TFAP2C: variants seen among roughly 807,000 people sequenced by gnomAD.
The protein encoded by TFAP2C is activating enhancer-binding protein 2 gamma.
Under a neutral mutation model 42.9 loss-of-function variants are expected in TFAP2C, and 9 were observed. The ratio of observed to expected loss-of-function variants is 0.21; its 90% CI spans 0.13 to 0.37. The LOEUF is 0.37. Ranked by LOEUF, TFAP2C falls within the 10% of genes least tolerant of loss-of-function variation. The pLI is 1.00. For missense variants in TFAP2C, 462 were observed against 591.7 expected, an observed-to-expected ratio of 0.78 and a Z score of 2.27; for synonymous variants, 264 against 256.0, an observed-to-expected ratio of 1.03 and a Z score of -0.30.
rs1392396584 is a variant in TFAP2C at position 56,631,054 on chromosome 20, GC to G, written c.49-146del. 2 of 1,412,902 alleles carry G rather than the reference GC, an allele frequency of 1.4e-6. No homozygotes were observed. Among genetic ancestry groups the G allele is most frequent in the African/African-American group, 1.5e-5 (1 of 67,288 alleles). The allele number at this position is 1,412,902 out of a possible 1,614,324, so 87.5% of individuals were successfully genotyped here. On this transcript the variant is annotated intron_variant, in intron 1 of 6. Transcript: ENST00000201031. This position sits in a 1 kb window ranked among gnomAD's most constrained non-coding sequence, Gnocchi z 6.1. The stretch of plus-strand genomic sequence containing the variant: ...TACAACGAAATCCTCGGGGCGCATT[GC>G]CCCCGGGTACCTTCCGACCCTGGGC...
chr20:56,632,611 A>C (rs1987511932), intron 3 of TFAP2C, among the ~76,000 whole-genome samples: 1 of 152,184 alleles, frequency 6.6e-6, no homozygotes, highest in Admixed American at 6.5e-5. Context: ...CTCAGAAAAG[A>C]CTACAAATTT....
Position 56,631,240 on chromosome 20 carries a change from G to C in TFAP2C, c.84G>C (p.Arg28=). The C allele has an allele frequency of 6.4e-7, 1 of 1,565,808 alleles. No individual in the cohort carries two copies. Among genetic ancestry groups the C allele is most frequent in the South Asian group, 1.2e-5 (1 of 85,524 alleles). The stretch of plus-strand genomic sequence containing the variant: ...ACGGGAGCAGCAATGGGAATCCGCG[G>C]GTCCCCCACCTCTCCTCCGCCGGGC... ...RHDGSSNGNP[R]VPHLSSAGQH... Residue 28 remains arginine (R), a synonymous_variant, in exon 2 of 7, where the codon CGG becomes CGC. Transcript: ENST00000201031. The surrounding 1 kb of genome is among the most constrained non-coding windows in gnomAD (Gnocchi z 6.1).
Position 56,636,701 on chromosome 20 carries a change from T to C in TFAP2C, c.1014T>C (p.His338=), listed in dbSNP as rs767064205. The C allele has an allele frequency of 1.9e-6, 3 of 1,613,930 alleles. No homozygotes were observed. The change falls in exon 6 of 7, where the codon CAT becomes CAC. Residue 338 remains histidine, a synonymous_variant. Transcript: ENST00000201031. ...TGGCAGAATATTTAACCAGACCTCA[T>C]CTTGGAGGACGAAATGAGATGGCAG... is the stretch of plus-strand genomic sequence containing the variant. ...KPVAEYLTRP[H]LGGRNEMAAR...
At chr20:56,636,386 G>A (rs1987583214) in intron 5 of TFAP2C, among the ~76,000 whole-genome samples, 1 of 152,266 alleles carries the variant, frequency 6.6e-6, no homozygotes, top group South Asian at 2.1e-4. Flanking sequence ...AATTAGCTGG[G>A]TATGGTGGTG....
In TFAP2C at chr20:56,630,149, G is replaced by T. The variant is rs370711363; in HGVS notation, c.48+557G>T. 8.3e-6 allele frequency: 2 copies of T among 241,892 alleles called. No individual in the cohort carries two copies. Among genetic ancestry groups the T allele is most frequent in the East Asian group, 1.3e-4 (1 of 7,598 alleles). The allele number at this position is 241,892 out of a possible 1,614,324, so 15.0% of individuals were successfully genotyped here. On this transcript the variant is annotated intron_variant, in intron 1 of 6. Transcript: ENST00000201031. This position sits in a 1 kb window ranked among gnomAD's most constrained non-coding sequence, Gnocchi z 5.1. Reference sequence around the variant, plus strand: ...AGCTCGCGAGTGCTCCAGCCTGTCGGACAGGTTGAGCTAGAGTTTCGGAGA... The same window carrying T: ...AGCTCGCGAGTGCTCCAGCCTGTCGTACAGGTTGAGCTAGAGTTTCGGAGA...
rs754990815 is a variant in TFAP2C, at chr20:56,637,872, C to T, written c.1212C>T (p.Ala404=). ...SLITHGFGSQ[A]ICAAVSALQN... is the part of the protein sequence containing the mutation. ...TTACCCACGGGTTTGGCAGCCAGGC[C>T]ATCTGTGCCGCGGTGTCTGCCCTGC... The change falls in exon 7 of 7, where the codon GCC becomes GCT. Residue 404 remains alanine, a synonymous_variant. Coordinates refer to ENST00000201031, the MANE Select transcript of TFAP2C (RefSeq NM_003222.4). 2.5e-6 allele frequency: 4 copies of T among 1,604,066 alleles called. No homozygotes were observed. Among genetic ancestry groups the T allele is most frequent in the Non-Finnish European group, 3.4e-6 (4 of 1,170,780 alleles).
rs1987472561 is a variant in TFAP2C, at chr20:56,630,751, C to A, written c.49-454C>A. Reference sequence around the variant, plus strand: ...GCATTTCCCGCGCCGCGCACTCTATCCGCGCCTGCCGCGCTGCCACCTCCA... The same window carrying A: ...GCATTTCCCGCGCCGCGCACTCTATACGCGCCTGCCGCGCTGCCACCTCCA... On this transcript the variant is annotated intron_variant, in intron 1 of 6. Coordinates refer to ENST00000201031, the MANE Select transcript of TFAP2C (RefSeq NM_003222.4). This position sits in a 1 kb window ranked among gnomAD's most constrained non-coding sequence, Gnocchi z 5.1. 1.7e-5 allele frequency: 17 copies of A among 985,322 alleles called. No individual in the cohort carries two copies. The South Asian group carries it at 8.0e-4, about 46-fold the overall frequency. 61.0% of individuals were successfully genotyped at this position (985,322 alleles called of 1,614,324 possible). A position where few individuals can be genotyped will look rare whatever the true frequency, so the allele number is the denominator to read the frequency against.
In TFAP2C at chr20:56,633,641, T is replaced by C. The variant is rs190079149; in HGVS notation, c.803+72T>C. On this transcript the variant is annotated intron_variant, in intron 4 of 6. Transcript: ENST00000201031. ...GAGTGTATCAGAGGCCCAGGAGGTA[T>C]TTTTAACATTTATGTGACTTTATGC... 1.6e-4 allele frequency: 182 copies of C among 1,116,968 alleles called. No individual in the cohort carries two copies. The African/African-American group carries it at 2.4e-3, about 15-fold the overall frequency. The allele number at this position is 1,116,968 out of a possible 1,614,324, so 69.2% of individuals were successfully genotyped here.
Position 56,629,468 on chromosome 20 carries a change from C to T in TFAP2C, c.-77C>T. The T allele has an allele frequency of 6.9e-6, 9 of 1,295,806 alleles. No individual in the cohort carries two copies. The highest frequency in any genetic ancestry group is 8.0e-6 in the Non-Finnish European group (8 of 1,001,382). 80.3% of individuals were successfully genotyped at this position (1,295,806 alleles called of 1,614,324 possible). On this transcript the variant is annotated 5_prime_UTR_variant, in exon 1 of 7. Transcript: ENST00000201031. The surrounding 1 kb of genome is among the most constrained non-coding windows in gnomAD (Gnocchi z 5.9). ...GGCAGACGCCTGGTCACCGTGACCCCGATTTTGGATTTACCGCTTGGGGGC... is the reference window on the plus strand; with the variant it reads ...GGCAGACGCCTGGTCACCGTGACCCTGATTTTGGATTTACCGCTTGGGGGC...
rs1377592709 is a variant in TFAP2C, at chr20:56,631,500, C to T, written c.344C>T (p.Pro115Leu). ...CAGAGCCAGGAGGGAGCGGGGCTGC[C>T]CTCGCACCACGGGCGCCCGGCCGGC... Reference protein sequence around the residue: ...GRQSQEGAGLPSHHGRPAGLL... With the variant: ...GRQSQEGAGLLSHHGRPAGLL... The change falls in exon 2 of 7, where the codon CCC (proline) becomes CTC (leucine). Residue 115 changes from proline (P) to leucine (L), a missense_variant. This residue lies in a region of TFAP2C where 271 missense variants were observed against 269.7 expected (regional missense o/e 1.00). Transcript: ENST00000201031. This position sits in a 1 kb window ranked among gnomAD's most constrained non-coding sequence, Gnocchi z 6.1. 2.0e-6 allele frequency: 3 copies of T among 1,507,708 alleles called. No individual in the cohort carries two copies. Among genetic ancestry groups the T allele is most frequent in the Non-Finnish European group, 2.6e-6 (3 of 1,134,852 alleles). The allele number at this position is 1,507,708 out of a possible 1,614,324, so 93.4% of individuals were successfully genotyped here.
In TFAP2C at chr20:56,633,516, A is replaced by G; in HGVS notation, c.750A>G (p.Arg250=). The G allele has an allele frequency of 1.2e-6, 2 of 1,614,162 alleles. No individual in the cohort carries two copies. Among genetic ancestry groups the G allele is most frequent in the South Asian group, 2.2e-5 (2 of 91,084 alleles). Residue 250 remains arginine, a synonymous_variant, in exon 4 of 7, where the codon CGA becomes CGG. Coordinates refer to ENST00000201031, the MANE Select transcript of TFAP2C (RefSeq NM_003222.4). ...YKVTVAEVQR[R]LSPPECLNAS... ...TGACAGTGGCTGAAGTACAGAGGCG[A>G]CTGTCCCCACCTGAATGCTTAAATG... is the stretch of plus-strand genomic sequence containing the variant.
At position 56,629,313 on chromosome 20, in the gene TFAP2C, A is replaced by C; in HGVS notation, c.-232A>C. ...GGTCCCCCGGCTATCGCCAGGACAC[A>C]CTGTTCGGGCGCGGCTTTCCCCGTC... is the stretch of plus-strand genomic sequence containing the variant. On this transcript the variant is annotated 5_prime_UTR_variant, in exon 1 of 7. Transcript: ENST00000201031. This position sits in a 1 kb window ranked among gnomAD's most constrained non-coding sequence, Gnocchi z 5.9. The C allele has an allele frequency of 2.5e-6, 1 of 394,256 alleles. No individual in the cohort carries two copies. Among genetic ancestry groups the C allele is most frequent in the Non-Finnish European group, 4.5e-6 (1 of 223,694 alleles). The allele number at this position is 394,256 out of a possible 1,614,324, so 24.4% of individuals were successfully genotyped here. A position where few individuals can be genotyped will look rare whatever the true frequency, so the allele number is the denominator to read the frequency against.
In TFAP2C at chr20:56,630,454, G is replaced by C. The variant is rs892763064; in HGVS notation, c.49-751G>C. 7.7e-5 allele frequency: 30 copies of C among 391,384 alleles called. No homozygotes were observed. Among genetic ancestry groups the C allele is most frequent in the African/African-American group, 6.2e-4 (29 of 46,446 alleles). The allele number at this position is 391,384 out of a possible 1,614,324, so 24.2% of individuals were successfully genotyped here. On this transcript the variant is annotated intron_variant, in intron 1 of 6. Transcript: ENST00000201031. The surrounding 1 kb of genome is among the most constrained non-coding windows in gnomAD (Gnocchi z 5.1). ...TCGGGCCGCCCAGGGGCGAGGGAAC[G>C]TGCGCGGGCAAGGCTGCCCAATTTC... is the stretch of plus-strand genomic sequence containing the variant.
chr20:56,631,870 T>C lies in TFAP2C; in HGVS notation c.586+14T>C. The C allele has an allele frequency of 6.2e-7, 1 of 1,614,124 alleles. No homozygotes were observed. The highest frequency in any genetic ancestry group is 8.5e-7 in the Non-Finnish European group (1 of 1,179,990). ...TCATTCGCAAAGGTAAATAGCAAGG[T>C]GGCATCGTCTAACTCTGGTCACACG... is the stretch of plus-strand genomic sequence containing the variant. On this transcript the variant is annotated intron_variant, in intron 3 of 6. Coordinates refer to ENST00000201031, the MANE Select transcript of TFAP2C (RefSeq NM_003222.4). The surrounding 1 kb of genome is among the most constrained non-coding windows in gnomAD (Gnocchi z 6.1).
In TFAP2C at chr20:56,630,385, C is replaced by T. The variant is rs1158382666; in HGVS notation, c.48+793C>T. ...CATGTTCCTCCAGGTTCCCGGCGCC[C>T]CGAGACCCCTGGGCAGATGGGGACG... On this transcript the variant is annotated intron_variant, in intron 1 of 6. Coordinates refer to ENST00000201031, the MANE Select transcript of TFAP2C (RefSeq NM_003222.4). This position sits in a 1 kb window ranked among gnomAD's most constrained non-coding sequence, Gnocchi z 5.1. 6.5e-6 allele frequency: 3 copies of T among 462,774 alleles called. No homozygotes were observed. Among genetic ancestry groups the T allele is most frequent in the Non-Finnish European group, 1.3e-5 (3 of 223,770 alleles). 28.7% of individuals were successfully genotyped at this position (462,774 alleles called of 1,614,324 possible). A position where few individuals can be genotyped will look rare whatever the true frequency, so the allele number is the denominator to read the frequency against.
At position 56,630,396 on chromosome 20, in the gene TFAP2C, G is replaced by A. The variant is rs753232732; in HGVS notation, c.48+804G>A. 7 of 462,030 alleles carry A rather than the reference G, an allele frequency of 1.5e-5. No individual in the cohort carries two copies. The highest frequency in any genetic ancestry group is 2.7e-5 in the Non-Finnish European group (6 of 223,478). 28.6% of individuals were successfully genotyped at this position (462,030 alleles called of 1,614,324 possible). On this transcript the variant is annotated intron_variant, in intron 1 of 6. Transcript: ENST00000201031. This position sits in a 1 kb window ranked among gnomAD's most constrained non-coding sequence, Gnocchi z 5.1. ...AGGTTCCCGGCGCCCCGAGACCCCT[G>A]GGCAGATGGGGACGCATCCTTTAGA...
chr20:56,634,746 G>A (rs907809502), intron 5 of TFAP2C, among the ~76,000 whole-genome samples: 3 of 152,220 alleles, frequency 2.0e-5, no homozygotes, highest in Middle Eastern at 3.4e-3. Flanking sequence ...CGACTGGCCC[G>A]ATTCACAATT....
chr20:56,629,467 C>T lies in TFAP2C; in HGVS notation c.-78C>T, dbSNP rs1600895618. ...CGGCAGACGCCTGGTCACCGTGACC[C>T]CGATTTTGGATTTACCGCTTGGGGG... On this transcript the variant is annotated 5_prime_UTR_variant, in exon 1 of 7. Coordinates refer to ENST00000201031, the MANE Select transcript of TFAP2C (RefSeq NM_003222.4). The surrounding 1 kb of genome is among the most constrained non-coding windows in gnomAD (Gnocchi z 5.9). 3.9e-6 allele frequency: 5 copies of T among 1,293,094 alleles called. No homozygotes were observed. Among genetic ancestry groups the T allele is most frequent in the Non-Finnish European group, 4.0e-6 (4 of 998,850 alleles). 80.1% of individuals were successfully genotyped at this position (1,293,094 alleles called of 1,614,324 possible).
intron 5 of TFAP2C, among the ~76,000 whole-genome samples, chr20:56,636,006 A>C (rs1987576552): frequency 1.3e-5 from 2 of 152,182 alleles, no homozygotes; most frequent in Non-Finnish European, 2.9e-5. Context: ...GAATCTTTTC[A>C]ATCTGAGTTT....
Sources: allele counts gnomAD v4.1 joint callset (sites outside exome capture counted in the v4.1 genomes callset), GRCh38; gene constraint gnomAD v4.1.1; regional missense constraint gnomAD v4.1.1; non-coding constraint Gnocchi (gnomAD v3.1); transcripts MANE v1.5; gene names NCBI Gene and HGNC (gene_info 2026-07-23, HGNC 2026-07-21).